NME5: variants seen among roughly 807,000 people sequenced by gnomAD.
NME5 encodes nucleoside diphosphate kinase 5.
NME5 carries 18 observed loss-of-function variants against 21.6 expected under a neutral mutation model. That is an observed-to-expected ratio of 0.83 (90% CI 0.58 to 1.24). NME5 has a LOEUF of 1.24. Among genes scored for constraint, NME5 ranks in the 50% most tolerant of loss-of-function variants. The pLI, the probability that NME5 is intolerant of heterozygous loss-of-function variation, is 0.00. For synonymous variants in NME5, 70 were observed against 80.6 expected (o/e 0.87, Z 0.71); for missense variants, 223 against 255.4 (o/e 0.87, Z 0.86).
At chr5:138,119,294 C>A (rs901788959) in intron 4 of NME5, among the ~76,000 whole-genome samples, 7 of 152,174 alleles carry the variant, frequency 4.6e-5, no homozygotes, top group Non-Finnish European at 8.8e-5. Context: ...CAACCTCCAA[C>A]TCCTGAGTTC....
At chr5:138,132,994 T>TA (rs1179667686) in intron 2 of NME5, among the ~76,000 whole-genome samples, 1 of 152,122 alleles carries the variant, frequency 6.6e-6, no homozygotes, top group Admixed American at 6.5e-5. Context: ...TCATCTGTTG[T>TA]AATGTAAGCC....
rs1751224447 is a variant in NME5, at chr5:138,118,948, A to T, written c.437-12T>A. 7.2e-7 allele frequency: 1 copy of T among 1,393,090 alleles called. No homozygotes were observed. Among genetic ancestry groups the T allele is most frequent in the Non-Finnish European group, 1.0e-6 (1 of 979,782 alleles). The allele number at this position is 1,393,090 out of a possible 1,614,324, so 86.3% of individuals were successfully genotyped here. On this transcript the variant is annotated splice_polypyrimidine_tract_variant and intron_variant, in intron 4 of 5. Transcript: ENST00000265191. ...GGGCTCAACAATCACTGCAAATACA[A>T]ATGTATTCTCATTGATGCAAACATA...
At position 138,127,581 on chromosome 5, in the gene NME5, G is replaced by A. The variant is rs753984950; in HGVS notation, c.436+898C>T. On this transcript the variant is annotated intron_variant, in intron 4 of 5. Transcript: ENST00000265191. ...AATCCAAAATTTTGCTCAATGCTTT[G>A]CATTTTTTTCCTTATAACAAAAATC... is the stretch of plus-strand genomic sequence containing the variant. The A allele has an allele frequency of 4.1e-6, 4 of 984,108 alleles. No homozygotes were observed. In the African/African-American group the frequency reaches 7.0e-5, roughly 17 times the overall value. The allele number at this position is 984,108 out of a possible 1,614,324, so 61.0% of individuals were successfully genotyped here.
rs190445881 is a variant in NME5 at position 138,124,293 on chromosome 5, A to C, written c.436+4186T>G. Among the ~76,000 whole-genome samples the C allele has an allele frequency of 1.2e-3, 175 of 151,948 alleles. 1 individual carries two copies. Among genetic ancestry groups the C allele is most frequent in the African/African-American group, 3.8e-3 (158 of 41,458 alleles). On this transcript the variant is annotated intron_variant, in intron 4 of 5. Transcript: ENST00000265191. ...GCTGGGATTACAGGCGTGAGCCACCACACCCGGCCTTAAGCACCTTTTCAT... is the reference window on the plus strand; with the variant it reads ...GCTGGGATTACAGGCGTGAGCCACCCCACCCGGCCTTAAGCACCTTTTCAT...
chr5:138,130,957 G>A (rs1751550463), intron 2 of NME5, among the ~76,000 whole-genome samples: 1 of 151,158 alleles, frequency 6.6e-6, no homozygotes, highest in Non-Finnish European at 1.5e-5. Context: ...TAGGTCGGGT[G>A]TGGTGGCTCA....
chr5:138,129,185 A>T, intron 3 of NME5, 78 bp downstream of exon 3: 1 of 1,236,130 alleles, frequency 8.1e-7, no homozygotes, highest in Non-Finnish European at 1.2e-6. Flanking sequence ...AATTCCCATT[A>T]CAATGAAATC....
At chr5:138,118,197 C>G (rs1032767045) in intron 5 of NME5, among the ~76,000 whole-genome samples, 5 of 151,386 alleles carry the variant, frequency 3.3e-5, no homozygotes, top group Non-Finnish European at 7.4e-5. Flanking sequence ...ACAATCTCGG[C>G]TCACTGCAAG....
intron 4 of NME5, among the ~76,000 whole-genome samples, chr5:138,121,607 G>A (rs1255971642): frequency 6.6e-6 from 1 of 152,124 alleles, no homozygotes; most frequent in East Asian, 1.9e-4. Context: ...GACCATAAGT[G>A]TAAAAGTTTA....
At position 138,134,759 on chromosome 5, in the gene NME5, T is replaced by TC. The variant is rs1424878726; in HGVS notation, c.129+3892dup. 3.3e-5 allele frequency among the ~76,000 whole-genome samples: 5 copies of TC among 149,730 alleles called. No homozygotes were observed. In the East Asian group the frequency reaches 1.0e-3, roughly 31 times the overall value. ...TTTTTTTTTTGAGACGGAGTCTCGC[T>TC]CTGTCACCCAGGCTGGAGTGCAGTG... On this transcript the variant is annotated intron_variant, in intron 2 of 5. Coordinates refer to ENST00000265191, the MANE Select transcript of NME5 (RefSeq NM_003551.3).
At chr5:138,131,886 G>T (rs1422511922) in intron 2 of NME5, among the ~76,000 whole-genome samples, 1 of 152,032 alleles carries the variant, frequency 6.6e-6, no homozygotes, top group African/African-American at 2.4e-5. Context: ...TGGGATTATA[G>T]GTGCCTGCCA....
At chr5:138,138,139 G>T (rs1476834129) in intron 2 of NME5, among the ~76,000 whole-genome samples, 1 of 152,056 alleles carries the variant, frequency 6.6e-6, no homozygotes, top group Non-Finnish European at 1.5e-5. Context: ...AGAACATAAG[G>T]CTTAAAACAT....
At chr5:138,123,859 C>T (rs928137355) in intron 4 of NME5, among the ~76,000 whole-genome samples, 4 of 152,076 alleles carry the variant, frequency 2.6e-5, no homozygotes, top group South Asian at 4.1e-4. Flanking sequence ...TACAAGCATT[C>T]CAATTTCCCT....
chr5:138,138,733 C>T lies in NME5; in HGVS notation c.48G>A (p.Leu16=). 6.2e-7 allele frequency: 1 copy of T among 1,612,698 alleles called. No individual in the cohort carries two copies. Among genetic ancestry groups the T allele is most frequent in the Middle Eastern group, 1.6e-4 (1 of 6,062 alleles). ...PPPQIYVEKT[L]AIIKPDIVDK... Reference sequence around the variant, plus strand: ...CAACAATATCTGGTTTGATAATGGCCAGAGTTTTTTCTACATATATCTGAG... The same window carrying T: ...CAACAATATCTGGTTTGATAATGGCTAGAGTTTTTTCTACATATATCTGAG... Residue 16 remains leucine (L), a synonymous_variant, in exon 2 of 6, where the codon CTG becomes CTA. Transcript: ENST00000265191.
rs868155014 is a variant in NME5 at position 138,129,423 on chromosome 5, C to T, written c.175G>A (p.Val59Met). The change falls in exon 3 of 6, where the codon GTG (valine) becomes ATG (methionine). Residue 59 changes from valine to methionine, a missense_variant. Transcript: ENST00000265191. The part of the protein sequence containing the change: ...LSPEQCSNFY[V>M]EKYGKMFFPN... ...AAAAACATTTTTCCATACTTTTCCA[C>T]ATAAAAGTTACTACATTGCTCAGGG... 6.2e-7 allele frequency: 1 copy of T among 1,614,082 alleles called. No individual in the cohort carries two copies. The highest frequency in any genetic ancestry group is 1.7e-5 in the Admixed American group (1 of 60,010).
intron 3 of NME5, 71 bp from the exon 4 acceptor site, chr5:138,128,650 C>G: frequency 1.0e-6 from 1 of 1,001,792 alleles, no homozygotes; most frequent in Non-Finnish European, 1.5e-6. Flanking sequence ...ATGCATTCCA[C>G]TTAAGAATTT....
intron 1 of NME5, 132 bp from the exon 2 acceptor site, chr5:138,138,917 C>T (rs1751794297): frequency 2.5e-6 from 2 of 813,560 alleles, no homozygotes; most frequent in Non-Finnish European, 1.9e-6. Context: ...ATTTTATTAA[C>T]TGATGAAGGT....
Position 138,129,529 on chromosome 5 carries a change from A to G in NME5, c.130-61T>C, listed in dbSNP as rs1048535409. The G allele has an allele frequency of 1.0e-5, 12 of 1,189,930 alleles. No individual in the cohort carries two copies. The African/African-American group carries it at 1.7e-4, about 16-fold the overall frequency. 73.7% of individuals were successfully genotyped at this position (1,189,930 alleles called of 1,614,324 possible). On this transcript the variant is annotated intron_variant, in intron 2 of 5. Transcript: ENST00000265191. ...ATGACAGTTCAATGATAGCTCATTA[A>G]AATCATTAGTAACTTGAAACTAGTA...
In NME5 at chr5:138,128,579, A is replaced by T. The variant is rs1403237508; in HGVS notation, c.336T>A (p.Ser112Arg). ...SLVAKETHPD[S>R]LRAIYGTDDL... ...CATCTGTGCCATAAATTGCCCTCAG[A>T]CTAAAAACAAGTTAGAGATGACGTC... is the stretch of plus-strand genomic sequence containing the variant. Residue 112 changes from serine (S) to arginine (R), a missense_variant and splice_region_variant, in exon 4 of 6, where the codon AGT (serine) becomes AGA (arginine). Ser to Arg is a moderately radical substitution (Grantham distance 110, BLOSUM62 -1). Coordinates refer to ENST00000265191, the MANE Select transcript of NME5 (RefSeq NM_003551.3). 2 of 1,605,802 alleles carry T rather than the reference A, an allele frequency of 1.2e-6. No homozygotes were observed. Among genetic ancestry groups the T allele is most frequent in the South Asian group, 2.2e-5 (2 of 89,782 alleles).
At position 138,115,616 on chromosome 5, in the gene NME5, A is replaced by C. The variant is rs549983259; in HGVS notation, c.*65T>G. On this transcript the variant is annotated 3_prime_UTR_variant, in exon 6 of 6. Coordinates refer to ENST00000265191, the MANE Select transcript of NME5 (RefSeq NM_003551.3). ...TTAAACCCTAGAAATAATTTTTTCA[A>C]ACAGTAGAAGTACAGCCTTTTATAA... 463 of 972,982 alleles carry C rather than the reference A, an allele frequency of 4.8e-4. 2 individuals are homozygous for C. The African/African-American group carries it at 6.7e-3, about 14-fold the overall frequency. 60.3% of individuals were successfully genotyped at this position (972,982 alleles called of 1,614,324 possible).
Sources: gnomAD v4.1 joint callset for allele counts (sites outside exome capture counted in the v4.1 genomes callset) on GRCh38, gnomAD v4.1.1 for gene constraint, MANE v1.5 for transcripts, NCBI Gene and HGNC (gene_info 2026-07-23, HGNC 2026-07-21) for gene names.